Variants in GSE1 observed in about 807,000 individuals in gnomAD.
GSE1 encodes Gse1 coiled-coil protein.
GSE1 carries 32 observed loss-of-function variants against 112.6 expected under a neutral mutation model. That is an observed-to-expected ratio of 0.28 (90% CI 0.21 to 0.38). GSE1 has a LOEUF of 0.38. Among genes scored for constraint, GSE1 ranks in the 10% least tolerant of loss-of-function variants. The probability of loss-of-function intolerance (pLI) is 1.00; values close to 1 mark genes in which losing one functional copy is unlikely to be tolerated. For missense variants in GSE1, 2,348 were observed against 1,699.2 expected, an observed-to-expected ratio of 1.38 and a Z score of -6.71; for synonymous variants, 1,115 against 735.6, an observed-to-expected ratio of 1.52 and a Z score of -8.35.
In GSE1 at chr16:85,648,539, T is replaced by G. The variant is rs2151872827; in HGVS notation, c.227-13T>G. On this transcript the variant is annotated splice_polypyrimidine_tract_variant and intron_variant, in intron 2 of 15. Transcript: ENST00000253458. ...TGCGGCTCCCACTCAGGCCACCGTC[T>G]TCTCCTCCACAGGGTCCTCACTGAG... is the stretch of plus-strand genomic sequence containing the variant. 1.4e-6 allele frequency: 2 copies of G among 1,468,490 alleles called. No homozygotes were observed. Among genetic ancestry groups the G allele is most frequent in the East Asian group, 5.1e-5 (2 of 39,534 alleles). 91.0% of individuals were successfully genotyped at this position (1,468,490 alleles called of 1,614,324 possible).
intron 1 of GSE1, among the ~76,000 whole-genome samples, chr16:85,195,100 G>T (rs1208782675): frequency 6.6e-6 from 1 of 152,172 alleles, no homozygotes; most frequent in Admixed American, 6.5e-5. Context: ...CTGCCTACGT[G>T]TGAGGGGAGA....
chr16:85,582,642 C>T (rs1289688851), intron 1 of GSE1, among the ~76,000 whole-genome samples: 3 of 152,160 alleles, frequency 2.0e-5, no homozygotes, highest in Admixed American at 2.0e-4. Context: ...TACGCAGCCG[C>T]CTGGGGTGCC....
intron 2 of GSE1, among the ~76,000 whole-genome samples, chr16:85,637,770 T>A (rs2050125302): frequency 6.6e-6 from 1 of 150,908 alleles, no homozygotes; most frequent in Non-Finnish European, 1.5e-5. Context: ...CGGGCCTCTG[T>A]GAAAGCCACA....
chr16:85,369,688 A>G (rs1209581984), intron 2 of GSE1, among the ~76,000 whole-genome samples: 1 of 152,226 alleles, frequency 6.6e-6, no homozygotes, highest in African/African-American at 2.4e-5. Context: ...TGACATTTTC[A>G]TAGACTCCGG....
intron 2 of GSE1, among the ~76,000 whole-genome samples, chr16:85,396,884 A>G (rs979547194): frequency 3.3e-5 from 5 of 151,470 alleles, no homozygotes; most frequent in Admixed American, 3.3e-4. Flanking sequence ...AAGGTCAGAG[A>G]GAGACAGAGA....
chr16:85,533,289 G>A (rs536689794), intron 2 of GSE1, among the ~76,000 whole-genome samples: 1 of 151,708 alleles, frequency 6.6e-6, no homozygotes, highest in East Asian at 1.9e-4. Context: ...GCATGGTGGT[G>A]AGCACCTGTA....
At chr16:85,530,877 C>A (rs989722410) in intron 2 of GSE1, among the ~76,000 whole-genome samples, 31 of 152,244 alleles carry the variant, frequency 2.0e-4, no homozygotes, top group African/African-American at 7.0e-4. Context: ...CTTCTTGCAG[C>A]CTCCGTGCCA....
chr16:85,383,277 TC>T (rs1173500791), intron 2 of GSE1, among the ~76,000 whole-genome samples: 4 of 150,556 alleles, frequency 2.7e-5, no homozygotes, highest in African/African-American at 9.8e-5. Flanking sequence ...TACACACAGT[TC>T]CCAGCACACA....
chr16:85,575,491 TC>T (rs2046193215), intron 1 of GSE1, among the ~76,000 whole-genome samples: 1 of 152,112 alleles, frequency 6.6e-6, no homozygotes, highest in South Asian at 2.1e-4. Flanking sequence ...TCCCCTCTCG[TC>T]TCCCCTCTTT....
At chr16:85,390,769 G>A (rs1441160985) in intron 2 of GSE1, among the ~76,000 whole-genome samples, 1 of 147,032 alleles carries the variant, frequency 6.8e-6, no homozygotes, top group African/African-American at 2.5e-5. Flanking sequence ...CCCCGTGCTG[G>A]CCTTGCCTGC....
chr16:85,235,471 TAGG>T (rs1904520259), intron 1 of GSE1, among the ~76,000 whole-genome samples: 3 of 107,128 alleles, frequency 2.8e-5, no homozygotes, highest in South Asian at 3.2e-4. Flanking sequence ...TGTGTGTGTG[TAGG>T]GGGTGTGTTC....
At chr16:85,627,082 A>ATTTTTTTTTTTTTTTTTTTTTTTTTTTTT (rs1365252836) in intron 1 of GSE1, among the ~76,000 whole-genome samples, 1 of 28,214 alleles carries the variant, frequency 3.5e-5, no homozygotes, top group Non-Finnish European at 6.0e-5. Flanking sequence ...TTTTTAAAGC[A>ATTTTTTTTTTTTTTTTTTTTTTTTTTTTT]TTGTGCTGCT....
chr16:85,177,984 C>CT (rs1321214497), intron 1 of GSE1, among the ~76,000 whole-genome samples: 1 of 152,204 alleles, frequency 6.6e-6, no homozygotes, highest in African/African-American at 2.4e-5. Flanking sequence ...CAACGTGTGT[C>CT]TGCCCTGGGC....
chr16:85,552,527 T>C (rs1048029512), upstream of GSE1, among the ~76,000 whole-genome samples: 1 of 136,312 alleles, frequency 7.3e-6, no homozygotes, highest in African/African-American at 2.6e-5. Flanking sequence ...AGAGACAGAG[T>C]TTCACCGTGT....
At chr16:85,318,287 A>G (rs547891765) in intron 1 of GSE1, among the ~76,000 whole-genome samples, 15 of 152,254 alleles carry the variant, frequency 9.9e-5, no homozygotes, top group African/African-American at 3.6e-4. Flanking sequence ...ATGGGGGGAT[A>G]GGGTCTTACT....
chr16:85,287,189 G>A (rs1376766196), intron 1 of GSE1, among the ~76,000 whole-genome samples: 6 of 152,218 alleles, frequency 3.9e-5, no homozygotes, highest in African/African-American at 1.4e-4. Flanking sequence ...TGAGACAGAT[G>A]GCTCTGTCAG....
intron 1 of GSE1, among the ~76,000 whole-genome samples, chr16:85,345,929 G>GGACA (rs2046724669): frequency 6.6e-6 from 1 of 152,096 alleles, no homozygotes; most frequent in Non-Finnish European, 1.5e-5. Context: ...ATGACTGGAT[G>GGACA]GACAGATAGA....
At chr16:85,568,860 G>C (rs1016486403) in intron 1 of GSE1, among the ~76,000 whole-genome samples, 2 of 152,208 alleles carry the variant, frequency 1.3e-5, no homozygotes, top group Admixed American at 6.5e-5. Context: ...TCACTTTGGA[G>C]CTGCTGTGGA....
At chr16:85,243,372 C>T (rs79141737) in intron 1 of GSE1, among the ~76,000 whole-genome samples, 86 of 152,258 alleles carry the variant, frequency 5.6e-4, no homozygotes, top group African/African-American at 1.9e-3. Context: ...GGGAAGGACA[C>T]GGGCAGTGGG....
Sources: allele counts gnomAD v4.1 joint callset (sites outside exome capture counted in the v4.1 genomes callset), GRCh38; gene constraint gnomAD v4.1.1; transcripts MANE v1.5; gene names NCBI Gene and HGNC (gene_info 2026-07-23, HGNC 2026-07-21).